Variants in SH2B2 observed in about 807,000 individuals in gnomAD.
SH2B2 encodes SH2B adapter protein 2.
SH2B2 carries 37 observed loss-of-function variants against 35.7 expected under a neutral mutation model. That is an observed-to-expected ratio of 1.04 (90% CI 0.80 to 1.36). SH2B2 has a LOEUF of 1.36. Among genes scored for constraint, SH2B2 ranks in the 40% most tolerant of loss-of-function variants. The pLI, the probability that SH2B2 is intolerant of heterozygous loss-of-function variation, is 0.00. For missense variants in SH2B2, 852 were observed against 817.7 expected, an observed-to-expected ratio of 1.04 and a Z score of -0.51; for synonymous variants, 383 against 376.4, an observed-to-expected ratio of 1.02 and a Z score of -0.20.
rs1554558110 is a variant in SH2B2 at position 102,320,363 on chromosome 7, G to C, written c.1428G>C (p.Gln476His). 1 of 1,612,964 alleles carries C rather than the reference G, an allele frequency of 6.2e-7. No individual in the cohort carries two copies. The highest frequency in any genetic ancestry group is 1.1e-5 in the South Asian group (1 of 91,084). Residue 476 changes from glutamine to histidine, a missense_variant, in exon 8 of 9, where the codon CAG becomes CAC. Physicochemically the swap from Gln to His is conservative, Grantham distance 24. Transcript: ENST00000444095. Reference sequence around the variant, plus strand: ...GCCTGTCCCTGAACGGCCACGGCCAGTGTCACGTACAGCATCTGTGGTTCC... The same window carrying C: ...GCCTGTCCCTGAACGGCCACGGCCACTGTCACGTACAGCATCTGTGGTTCC... ...HLRLSLNGHG[Q>H]CHVQHLWFQS... is the part of the protein sequence containing the mutation.
At chr7:102,291,542 C>T (rs969602384) in intron 1 of SH2B2, among the ~76,000 whole-genome samples, 1 of 152,224 alleles carries the variant, frequency 6.6e-6, no homozygotes, top group Non-Finnish European at 1.5e-5. Flanking sequence ...GGCCCCCACC[C>T]ATCCACTCTG....
At chr7:102,289,552 GGAGTT>G (rs1792593806) in intron 1 of SH2B2, among the ~76,000 whole-genome samples, 1 of 152,112 alleles carries the variant, frequency 6.6e-6, no homozygotes, top group Non-Finnish European at 1.5e-5. Context: ...AGCCAGGCTG[GGAGTT>G]GAGCTCAGAG....
intron 1 of SH2B2, among the ~76,000 whole-genome samples, chr7:102,289,831 G>T (rs1253544013): frequency 6.6e-6 from 1 of 151,986 alleles, no homozygotes; most frequent in Non-Finnish European, 1.5e-5. Flanking sequence ...GAGATGGGAG[G>T]GGGGAACCTC....
At chr7:102,296,157 G>A (rs1338560544) in intron 1 of SH2B2, among the ~76,000 whole-genome samples, 1 of 152,214 alleles carries the variant, frequency 6.6e-6, no homozygotes, top group East Asian at 1.9e-4. Context: ...CTTGGTTATT[G>A]ACTGCAGATT....
intron 2 of SH2B2, 35 bp downstream of exon 2, chr7:102,301,314 G>A (rs1793182529): frequency 1.3e-6 from 2 of 1,573,126 alleles, no homozygotes; most frequent in Non-Finnish European, 1.7e-6. Flanking sequence ...AGCCTGGGGG[G>A]ACCAGAGGAG....
rs1793894994 is a variant in SH2B2 at position 102,317,466 on chromosome 7, T to C, written c.1395+71T>C. 1.0e-5 allele frequency: 14 copies of C among 1,364,188 alleles called. No individual in the cohort carries two copies. The South Asian group carries it at 2.1e-4, about 21-fold the overall frequency. 84.5% of individuals were successfully genotyped at this position (1,364,188 alleles called of 1,614,324 possible). A position where few individuals can be genotyped will look rare whatever the true frequency, so the allele number is the denominator to read the frequency against. On this transcript the variant is annotated intron_variant, in intron 7 of 8. Coordinates refer to ENST00000444095, the MANE Select transcript of SH2B2 (RefSeq NM_001359228.2). Reference sequence around the variant, plus strand: ...GGGAGAGGGGTCATGGTGACCCCGGTCCTGAGGCTGTGCCCTGGAAGCAGC... The same window carrying C: ...GGGAGAGGGGTCATGGTGACCCCGGCCCTGAGGCTGTGCCCTGGAAGCAGC...
intron 1 of SH2B2, 105 bp from the exon 2 acceptor site, chr7:102,300,417 C>G: frequency 1.5e-6 from 2 of 1,326,504 alleles, no homozygotes; most frequent in Non-Finnish European, 2.0e-6. Context: ...CATGTACACA[C>G]ACACCCACAC....
chr7:102,310,212 A>C (rs991712557), intron 4 of SH2B2, among the ~76,000 whole-genome samples: 7 of 152,170 alleles, frequency 4.6e-5, no homozygotes, highest in Non-Finnish European at 1.0e-4. Context: ...GCTACTCGAG[A>C]GGCTGAGGCA....
At chr7:102,309,489 T>G (rs1001882103) in intron 4 of SH2B2, 1 of 312,040 alleles carries the variant, frequency 3.2e-6, no homozygotes, top group African/African-American at 2.3e-5. Context: ...GCCTCCTAAG[T>G]AGCTGTGATT....
intron 8 of SH2B2, among the ~76,000 whole-genome samples, chr7:102,320,903 A>C (rs1794029567): frequency 6.6e-6 from 1 of 152,082 alleles, no homozygotes; most frequent in Admixed American, 6.5e-5. Context: ...GTGCATGTGC[A>C]TGCGTGTGCT....
intron 1 of SH2B2, among the ~76,000 whole-genome samples, chr7:102,294,328 A>G (rs1386164231): frequency 6.6e-6 from 1 of 152,166 alleles, no homozygotes; most frequent in Non-Finnish European, 1.5e-5. Context: ...ACATCCAGCC[A>G]GAAGAGAGGG....
intron 4 of SH2B2, among the ~76,000 whole-genome samples, chr7:102,314,075 T>C (rs1445630267): frequency 5.3e-5 from 8 of 152,106 alleles, no homozygotes; most frequent in African/African-American, 1.9e-4. Flanking sequence ...AGAAAAACTT[T>C]TTTGTTCGAG....
intron 1 of SH2B2, among the ~76,000 whole-genome samples, chr7:102,299,197 C>CTGTTTTTTTTTTTTTTTTTTTTT: frequency 4.1e-5 from 1 of 24,632 alleles, no homozygotes; most frequent in South Asian, 1.8e-3. Context: ...CCGCGCCTGG[C>CTGTTTTTTTTTTTTTTTTTTTTT]TTTTTTTTTT....
chr7:102,301,393 G>C, intron 2 of SH2B2, 114 bp downstream of exon 2: 1 of 1,278,012 alleles, frequency 7.8e-7, no homozygotes, highest in Non-Finnish European at 1.0e-6. Context: ...CTGGTTGACA[G>C]GGTGAAGTAT....
rs1272717713 is a variant in SH2B2 at position 102,297,624 on chromosome 7, C to T, written c.-29-2898C>T. 6.6e-6 allele frequency among the ~76,000 whole-genome samples: 1 copy of T among 152,132 alleles called. No homozygotes were observed. Among genetic ancestry groups the T allele is most frequent in the Non-Finnish European group, 1.5e-5 (1 of 68,020 alleles). On this transcript the variant is annotated intron_variant, in intron 1 of 8. Coordinates refer to ENST00000444095, the MANE Select transcript of SH2B2 (RefSeq NM_001359228.2). The surrounding 1 kb of genome is among the most constrained non-coding windows in gnomAD (Gnocchi z 4.3). ...CACTAACAAGCTGTTTGTCCTTAGG[C>T]CCCAAGTGAGGGCTTAGGCGGTGAC...
In SH2B2 at chr7:102,300,257, C is replaced by G. The variant is rs188278385; in HGVS notation, c.-29-265C>G. On this transcript the variant is annotated intron_variant, in intron 1 of 8. Transcript: ENST00000444095. The stretch of plus-strand genomic sequence containing the variant: ...GTTGACCAGGCTGATCTCGAACTCC[C>G]AACCTCAGGTGATCCACCCACCTCG... Among the ~76,000 whole-genome samples, 42 of 152,284 alleles carry G rather than the reference C, an allele frequency of 2.8e-4. No individual in the cohort carries two copies. The Middle Eastern group carries it at 0.017, about 62-fold the overall frequency.
intron 2 of SH2B2, among the ~76,000 whole-genome samples, chr7:102,306,325 G>A (rs782106536): frequency 1.4e-5 from 2 of 141,142 alleles, no homozygotes; most frequent in Admixed American, 7.5e-5. Context: ...CCGACTTCAG[G>A]TGATCCGCCC....
intron 4 of SH2B2, among the ~76,000 whole-genome samples, chr7:102,311,157 C>G (rs1379629297): frequency 6.6e-6 from 1 of 152,154 alleles, no homozygotes; most frequent in African/African-American, 2.4e-5. Context: ...GTGGTGCAAT[C>G]AAGCTCACTG....
chr7:102,294,784 C>T (rs782227575), intron 1 of SH2B2, among the ~76,000 whole-genome samples: 5 of 152,318 alleles, frequency 3.3e-5, no homozygotes, highest in Non-Finnish European at 7.4e-5. Context: ...CAGGTGGGGG[C>T]CTCCCTGCTG....
Sources: allele counts gnomAD v4.1 joint callset (sites outside exome capture counted in the v4.1 genomes callset), GRCh38; gene constraint gnomAD v4.1.1; non-coding constraint Gnocchi (gnomAD v3.1); transcripts MANE v1.5; gene names NCBI Gene and HGNC (gene_info 2026-07-23, HGNC 2026-07-21).